TM9SF2: variants seen among roughly 807,000 people sequenced by gnomAD.
TM9SF2 encodes transmembrane 9 superfamily member 2, also known as 76 kDa membrane protein.
TM9SF2 carries 13 observed loss-of-function variants against 84.9 expected under a neutral mutation model. That is an observed-to-expected ratio of 0.15 (90% CI 0.10 to 0.24). The LOEUF is 0.24. TM9SF2 is among the 10% of genes least tolerant of loss of function. The pLI, the probability that TM9SF2 is intolerant of heterozygous loss-of-function variation, is 1.00. For synonymous variants in TM9SF2, 273 were observed against 285.8 expected (o/e 0.96, Z 0.45); for missense variants, 562 against 818.5 (o/e 0.69, Z 3.82).
chr13:99,506,798 C>G (rs538888932), intron 1 of TM9SF2, among the ~76,000 whole-genome samples: 16 of 152,356 alleles, frequency 1.1e-4, no homozygotes, highest in African/African-American at 3.4e-4. Flanking sequence ...AGAGATTGGT[C>G]TGTGCACTGT....
chr13:99,553,740 A>G (rs1166254345), intron 13 of TM9SF2, among the ~76,000 whole-genome samples: 1 of 152,164 alleles, frequency 6.6e-6, no homozygotes, highest in East Asian at 1.9e-4. Context: ...TTTAGGTTCC[A>G]GTGATTTTTA....
chr13:99,553,901 AC>A (rs2046315535), intron 13 of TM9SF2, among the ~76,000 whole-genome samples: 1 of 152,138 alleles, frequency 6.6e-6, no homozygotes, highest in Admixed American at 6.5e-5. Flanking sequence ...GACATTGCGC[AC>A]CTCCAAATAA....
At chr13:99,545,653 A>G (rs888966427) in intron 10 of TM9SF2, among the ~76,000 whole-genome samples, 1 of 151,312 alleles carries the variant, frequency 6.6e-6, no homozygotes, top group African/African-American at 2.4e-5. Flanking sequence ...TGAAACCTCC[A>G]CCTCCTAGGT....
At chr13:99,555,472 T>TGTTA in intron 14 of TM9SF2, 64 bp from the exon 15 acceptor site, 1 of 1,195,162 alleles carries the variant, frequency 8.4e-7, no homozygotes, top group Non-Finnish European at 1.2e-6. Context: ...AATGAAAAGA[T>TGTTA]TGTGTTATGT....
chr13:99,544,575 C>T (rs987067060), intron 10 of TM9SF2, among the ~76,000 whole-genome samples: 23 of 152,262 alleles, frequency 1.5e-4, no homozygotes, highest in Admixed American at 5.2e-4. Context: ...GTCTAAACAG[C>T]CCAGAACTGG....
chr13:99,549,200 T>G lies in TM9SF2; in HGVS notation c.1306T>G (p.Leu436Val). 6.2e-7 allele frequency: 1 copy of G among 1,613,498 alleles called. No homozygotes were observed. ...GGEKWKTNVLLTSFLCPGIVF... is the reference protein window; with the variant it reads ...GGEKWKTNVLVTSFLCPGIVF... ...TGAGAAGTGGAAAACAAATGTTTTA[T>G]TAACATCATTTCTTTGTCCTGGGTA... is the stretch of plus-strand genomic sequence containing the variant. Residue 436 changes from leucine to valine, a missense_variant, in exon 12 of 17, where the codon TTA becomes GTA. Physicochemically the swap from Leu to Val is conservative, Grantham distance 32. Around this residue, in one of 4 missense-constraint regions of TM9SF2, gnomAD observed 219 missense variants for 338.1 expected, o/e 0.65. Coordinates refer to ENST00000376387, the MANE Select transcript of TM9SF2 (RefSeq NM_004800.3).
chr13:99,559,710 T>C (rs2046336767), intron 16 of TM9SF2, among the ~76,000 whole-genome samples, 176 bp downstream of exon 16: 1 of 152,106 alleles, frequency 6.6e-6, no homozygotes, highest in Non-Finnish European at 1.5e-5. Context: ...ATAAAGATGA[T>C]GAAACAGAAG....
intron 6 of TM9SF2, 79 bp from the exon 7 acceptor site, chr13:99,539,367 G>A (rs985186837): frequency 1.4e-5 from 12 of 839,258 alleles, no homozygotes; most frequent in African/African-American, 6.8e-5. Context: ...TTTAAAATAC[G>A]TACAAAATCT....
At chr13:99,546,598 A>G (rs2046283598) in intron 10 of TM9SF2, among the ~76,000 whole-genome samples, 1 of 150,910 alleles carries the variant, frequency 6.6e-6, no homozygotes, top group Non-Finnish European at 1.5e-5. Context: ...GAGGACCCCC[A>G]TATTTTTTAA....
At chr13:99,520,781 G>A in intron 3 of TM9SF2, among the ~76,000 whole-genome samples, 1 of 152,122 alleles carries the variant, frequency 6.6e-6, no homozygotes, top group African/African-American at 2.4e-5. Flanking sequence ...TATTGGTCAG[G>A]CTGGTCTCAA....
At chr13:99,520,247 T>G (rs1187928671) in intron 3 of TM9SF2, 118 bp downstream of exon 3, 2 of 793,136 alleles carry the variant, frequency 2.5e-6, no homozygotes. Flanking sequence ...CTCTTTTTCA[T>G]CTAGGAATAG....
At chr13:99,537,969 T>G in intron 6 of TM9SF2, 106 bp downstream of exon 6, 2 of 1,398,050 alleles carry the variant, frequency 1.4e-6, no homozygotes, top group Non-Finnish European at 1.9e-6. Context: ...ATTTCAGGAT[T>G]GATTTCACTA....
chr13:99,514,695 C>T (rs956011051), intron 1 of TM9SF2, among the ~76,000 whole-genome samples: 2 of 152,302 alleles, frequency 1.3e-5, no homozygotes, highest in Non-Finnish European at 1.5e-5. Context: ...CCGTTAGCCT[C>T]CTGGGACTAT....
At chr13:99,530,745 A>G (rs1472896838) in intron 4 of TM9SF2, among the ~76,000 whole-genome samples, 1 of 152,242 alleles carries the variant, frequency 6.6e-6, no homozygotes, top group East Asian at 1.9e-4. Context: ...TTTTGTAAAC[A>G]TGACATAACA....
rs544758307 is a variant in TM9SF2, at chr13:99,538,818, GAA to G, written c.717-627_717-626del. ...GGAGGCTGAAGTGGGAGGATCACTT[GAA>G]CCCAGGAGTTTGAAGCTGCAGTGAG... On this transcript the variant is annotated intron_variant, in intron 6 of 16. Transcript: ENST00000376387. 5.1e-3 allele frequency among the ~76,000 whole-genome samples: 775 copies of G among 152,146 alleles called. 12 individuals are homozygous for G. The highest frequency in any genetic ancestry group is 0.018 in the African/African-American group (733 of 41,500).
At chr13:99,502,185 C>G (rs893271026) in intron 1 of TM9SF2, among the ~76,000 whole-genome samples, 1 of 152,206 alleles carries the variant, frequency 6.6e-6, no homozygotes. Flanking sequence ...GTGACCGACT[C>G]CCTACATGTG....
chr13:99,526,742 G>A (rs1420843724), intron 3 of TM9SF2, among the ~76,000 whole-genome samples: 1 of 152,172 alleles, frequency 6.6e-6, no homozygotes, highest in Admixed American at 6.5e-5. Flanking sequence ...TGGAAGGATC[G>A]TTGATATAGA....
At chr13:99,520,416 AAACCCGGGTCCTGG>A (rs2046154323) in intron 3 of TM9SF2, among the ~76,000 whole-genome samples, 1 of 152,252 alleles carries the variant, frequency 6.6e-6, no homozygotes, top group South Asian at 2.1e-4. Context: ...GAGGGTCCTG[AAACCCGGGTCCTGG>A]AACCCAGCTT....
At chr13:99,557,552 G>A (rs1043840899) in intron 15 of TM9SF2, among the ~76,000 whole-genome samples, 16 of 150,894 alleles carry the variant, frequency 1.1e-4, no homozygotes, top group African/African-American at 2.2e-4. Flanking sequence ...TTTTTCTTCC[G>A]TTGCTTATGC....
Sources: gnomAD v4.1 joint callset for allele counts (sites outside exome capture counted in the v4.1 genomes callset) on GRCh38, gnomAD v4.1.1 for gene constraint, gnomAD v4.1.1 regional missense constraint, MANE v1.5 for transcripts, NCBI Gene and HGNC (gene_info 2026-07-23, HGNC 2026-07-21) for gene names.